Variants in ADAMTS2 observed in about 807,000 individuals in gnomAD.
ADAMTS2 encodes A disintegrin and metalloproteinase with thrombospondin motifs 2.
A neutral mutation model predicts 123.0 loss-of-function variants in ADAMTS2; 50 were observed. That is an observed-to-expected ratio of 0.41 (90% CI 0.32 to 0.51). ADAMTS2 has a LOEUF of 0.51. ADAMTS2 is among the 20% of genes least tolerant of loss of function. The pLI is 0.35. For synonymous variants in ADAMTS2, 678 were observed against 695.4 expected (o/e 0.98, Z 0.39); for missense variants, 1,494 against 1,705.2 (o/e 0.88, Z 2.18).
intron 7 of ADAMTS2, 128 bp from the exon 8 acceptor site, chr5:179,154,320 C>CAA: frequency 7.5e-7 from 1 of 1,333,262 alleles, no homozygotes; most frequent in Non-Finnish European, 1.0e-6. Context: ...CACTCTGAGC[C>CAA]GGGTGGCACC....
Position 179,127,954 on chromosome 5 carries a change from C to T in ADAMTS2, c.2617+5G>A, listed in dbSNP as rs1363983339. On this transcript the variant is annotated splice_donor_5th_base_variant and intron_variant, in intron 17 of 21. Transcript: ENST00000251582. ...CCCAGGTCCCCAGCTTCGAGACCCCCTCACCTCCGCCACAGGGCTTGGAGC... is the reference window on the plus strand; with the variant it reads ...CCCAGGTCCCCAGCTTCGAGACCCCTTCACCTCCGCCACAGGGCTTGGAGC... 2 of 1,613,502 alleles carry T rather than the reference C, an allele frequency of 1.2e-6. No individual in the cohort carries two copies. The highest frequency in any genetic ancestry group is 1.3e-5 in the African/African-American group (1 of 74,946).
At chr5:179,215,346 G>C (rs1306301894) in intron 3 of ADAMTS2, among the ~76,000 whole-genome samples, 1 of 152,166 alleles carries the variant, frequency 6.6e-6, no homozygotes. Context: ...TACTCGGGAG[G>C]CTGAGGCAGG....
intron 2 of ADAMTS2, among the ~76,000 whole-genome samples, chr5:179,300,107 A>AAC: frequency 6.6e-6 from 1 of 151,646 alleles, no homozygotes; most frequent in East Asian, 1.9e-4. Flanking sequence ...AAAAAAAAAA[A>AAC]AAAAAAGAAG....
rs1473427242 is a variant in ADAMTS2 at position 179,272,913 on chromosome 5, G to A, written c.686C>T (p.Thr229Ile). ...CTGCCCACCTGCAGTAGCCTCACCT[G>A]TGTCCAGGGCCTGTGGCCCCCCGAG... ...PPLGGPQALDTGASLDSLDSL... is the reference protein window; with the variant it reads ...PPLGGPQALDIGASLDSLDSL... The change falls in exon 3 of 22, where the codon ACA becomes ATA. Residue 229 changes from threonine (T) to isoleucine (I), a missense_variant and splice_region_variant. By Grantham distance (89) the Thr-to-Ile change is moderately conservative. Transcript: ENST00000251582. The surrounding 1 kb of genome is among the most constrained non-coding windows in gnomAD (Gnocchi z 5.8). 3 of 1,609,000 alleles carry A rather than the reference G, an allele frequency of 1.9e-6. No homozygotes were observed. Among genetic ancestry groups the A allele is most frequent in the African/African-American group, 2.7e-5 (2 of 74,914 alleles).
intron 4 of ADAMTS2, among the ~76,000 whole-genome samples, chr5:179,207,045 G>A (rs1377321908): frequency 6.6e-6 from 1 of 152,192 alleles, no homozygotes; most frequent in Admixed American, 6.5e-5. Context: ...CAGAAAAGGG[G>A]CTTCTGTTTG....
In ADAMTS2 at chr5:179,345,355, G is replaced by T; in HGVS notation, c.-27C>A. The T allele has an allele frequency of 1.8e-6, 2 of 1,124,360 alleles. No homozygotes were observed. Among genetic ancestry groups the T allele is most frequent in the African/African-American group, 1.7e-5 (1 of 60,504 alleles). The allele number at this position is 1,124,360 out of a possible 1,614,324, so 69.6% of individuals were successfully genotyped here. A position where few individuals can be genotyped will look rare whatever the true frequency, so the allele number is the denominator to read the frequency against. On this transcript the variant is annotated 5_prime_UTR_variant, in exon 1 of 22. The change creates a premature stop within an existing upstream ORF in the 5' untranslated region. Transcript: ENST00000251582. This position sits in a 1 kb window ranked among gnomAD's most constrained non-coding sequence, Gnocchi z 7.5. ...GCAGCCGGACTGCAGCCGGGGCCCCGCACTCGCAGCCGGCGCGAAAGTTCC... is the reference window on the plus strand; with the variant it reads ...GCAGCCGGACTGCAGCCGGGGCCCCTCACTCGCAGCCGGCGCGAAAGTTCC...
intron 6 of ADAMTS2, among the ~76,000 whole-genome samples, chr5:179,157,450 T>G (rs2113261367): frequency 6.6e-6 from 1 of 152,348 alleles, no homozygotes; most frequent in Non-Finnish European, 1.5e-5. Flanking sequence ...GACATGGTAG[T>G]TTCAGTCTTT....
At chr5:179,187,543 C>A (rs578072018) in intron 4 of ADAMTS2, among the ~76,000 whole-genome samples, 1 of 152,320 alleles carries the variant, frequency 6.6e-6, no homozygotes, top group Non-Finnish European at 1.5e-5. Context: ...TATGACCCAG[C>A]GTAGGCCTGT....
chr5:179,230,428 T>A (rs1248731352), intron 3 of ADAMTS2, among the ~76,000 whole-genome samples: 1 of 152,206 alleles, frequency 6.6e-6, no homozygotes, highest in Non-Finnish European at 1.5e-5. Context: ...CTCCAGGGCC[T>A]GCTTCTGCTG....
At chr5:179,151,816 G>A (rs1400585452) in intron 10 of ADAMTS2, among the ~76,000 whole-genome samples, 2 of 152,180 alleles carry the variant, frequency 1.3e-5, no homozygotes, top group Non-Finnish European at 1.5e-5. Flanking sequence ...TGGCCTCCAG[G>A]TGAGGTGACC....
chr5:179,257,301 G>T (rs1045925835), intron 3 of ADAMTS2, among the ~76,000 whole-genome samples: 9 of 152,224 alleles, frequency 5.9e-5, no homozygotes, highest in Non-Finnish European at 1.2e-4. Flanking sequence ...TGGACACAAG[G>T]GCAGAACCCT....
In ADAMTS2 at chr5:179,132,333, C is replaced by G; in HGVS notation, c.2210-23G>C. The G allele has an allele frequency of 6.2e-7, 1 of 1,611,704 alleles. No homozygotes were observed. The highest frequency in any genetic ancestry group is 8.5e-7 in the Non-Finnish European group (1 of 1,177,966). ...AACCTTTTTTTGATGTGGAAAGACA[C>G]AGAAAACTGAGAAGGGAAGGCGCCG... On this transcript the variant is annotated intron_variant, in intron 14 of 21. Coordinates refer to ENST00000251582, the MANE Select transcript of ADAMTS2 (RefSeq NM_014244.5). The surrounding 1 kb of genome is among the most constrained non-coding windows in gnomAD (Gnocchi z 6.1).
chr5:179,158,000 T>C (rs2113262915), intron 6 of ADAMTS2, among the ~76,000 whole-genome samples: 1 of 152,152 alleles, frequency 6.6e-6, no homozygotes, highest in Admixed American at 6.5e-5. Flanking sequence ...AGTCTCGCAC[T>C]GTCTCCCAGG....
intron 3 of ADAMTS2, among the ~76,000 whole-genome samples, chr5:179,261,202 A>G (rs1766213806): frequency 6.6e-6 from 1 of 152,260 alleles, no homozygotes; most frequent in Non-Finnish European, 1.5e-5. Context: ...CAAAGGACTT[A>G]GGAATAGGAG....
At position 179,130,123 on chromosome 5, in the gene ADAMTS2, C is replaced by G; in HGVS notation, c.2291-25G>C. The G allele has an allele frequency of 6.2e-7, 1 of 1,613,672 alleles. No individual in the cohort carries two copies. The highest frequency in any genetic ancestry group is 8.5e-7 in the Non-Finnish European group (1 of 1,180,012). On this transcript the variant is annotated intron_variant, in intron 15 of 21. Transcript: ENST00000251582. This position sits in a 1 kb window ranked among gnomAD's most constrained non-coding sequence, Gnocchi z 4.3. ...GCTGAGAATGGCAAGACCAAGTCCC[C>G]CGTTGTGGTCACCCAAGAGCAGGAC...
intron 4 of ADAMTS2, among the ~76,000 whole-genome samples, chr5:179,201,502 AT>A (rs1764562819): frequency 6.6e-6 from 1 of 152,156 alleles, no homozygotes; most frequent in South Asian, 2.1e-4. Flanking sequence ...AGCAAAAAAA[AT>A]GTCCCGGCAC....
At chr5:179,310,765 C>A (rs1238313881) in intron 2 of ADAMTS2, among the ~76,000 whole-genome samples, 2 of 152,188 alleles carry the variant, frequency 1.3e-5, no homozygotes, top group African/African-American at 2.4e-5. Context: ...CAGGGTCCCT[C>A]AAAGGTGGGT....
At chr5:179,247,832 A>G (rs1308927496) in intron 3 of ADAMTS2, among the ~76,000 whole-genome samples, 1 of 152,188 alleles carries the variant, frequency 6.6e-6, no homozygotes, top group African/African-American at 2.4e-5. Flanking sequence ...ACAAAAACTG[A>G]GAGAGTTTGT....
Position 179,312,672 on chromosome 5 carries a change from A to G in ADAMTS2, c.534+31095T>C, listed in dbSNP as rs766885183. On this transcript the variant is annotated intron_variant, in intron 2 of 21. Transcript: ENST00000251582. The surrounding 1 kb of genome is among the most constrained non-coding windows in gnomAD (Gnocchi z 4.2). Reference sequence around the variant, plus strand: ...AGAGGAGAAGGCCACGTACAGGCAGAGCAGAGGGAGATGGAGGATGTCGGC... The same window carrying G: ...AGAGGAGAAGGCCACGTACAGGCAGGGCAGAGGGAGATGGAGGATGTCGGC... Among the ~76,000 whole-genome samples, 2 of 152,272 alleles carry G rather than the reference A, an allele frequency of 1.3e-5. No homozygotes were observed. The highest frequency in any genetic ancestry group is 2.9e-5 in the Non-Finnish European group (2 of 68,042).
Sources: allele counts gnomAD v4.1 joint callset (sites outside exome capture counted in the v4.1 genomes callset), GRCh38; gene constraint gnomAD v4.1.1; non-coding constraint Gnocchi (gnomAD v3.1); transcripts MANE v1.5; gene names NCBI Gene and HGNC (gene_info 2026-07-23, HGNC 2026-07-21).